Variants in DDX42 observed in about 807,000 individuals in gnomAD.
DDX42 encodes DEAD-box helicase 42.
In DDX42, 22 loss-of-function variants were observed where a neutral mutation model predicts 101.5. The observed-to-expected ratio is 0.22, with a 90% CI of 0.15 to 0.31. The LOEUF (loss-of-function observed/expected upper bound fraction) is 0.31, where lower values mean the gene tolerates loss of function less well. Ranked by LOEUF, DDX42 falls within the 10% of genes least tolerant of loss-of-function variation. The pLI is 1.00. For synonymous variants in DDX42, 402 were observed against 401.2 expected, an observed-to-expected ratio of 1.00 and a Z score of -0.02; for missense variants, 849 against 1,199.9, an observed-to-expected ratio of 0.71 and a Z score of 4.32.
At chr17:63,777,450 C>CTT (rs1336711645) in intron 1 of DDX42, among the ~76,000 whole-genome samples, 29 of 139,256 alleles carry the variant, frequency 2.1e-4, no homozygotes, top group African/African-American at 5.5e-4. Context: ...CTTTTTCTTT[C>CTT]TTTTTTTTTT....
Position 63,811,182 on chromosome 17 carries a change from A to G in DDX42, c.1398+9A>G. On this transcript the variant is annotated intron_variant, in intron 13 of 17. Transcript: ENST00000389924. ...AGGGAGATATTGGAGAGGTAACCCT[A>G]AGCAGGGCTGGATGGGACCTTAATG... 1 of 1,608,076 alleles carries G rather than the reference A, an allele frequency of 6.2e-7. No individual in the cohort carries two copies. Among genetic ancestry groups the G allele is most frequent in the Non-Finnish European group, 8.5e-7 (1 of 1,175,552 alleles).
chr17:63,782,231 T>C (rs1372779775), intron 1 of DDX42, among the ~76,000 whole-genome samples: 1 of 152,036 alleles, frequency 6.6e-6, no homozygotes, highest in East Asian at 1.9e-4. Flanking sequence ...TGAGCCAAGA[T>C]CATGCCATTG....
intron 2 of DDX42, among the ~76,000 whole-genome samples, chr17:63,790,666 A>G (rs1487858107): frequency 2.6e-5 from 4 of 152,186 alleles, no homozygotes; most frequent in Non-Finnish European, 5.9e-5. Context: ...AGGCTGAGGC[A>G]GGAGAATCAC....
chr17:63,776,555 C>G (rs1475314693), intron 1 of DDX42, among the ~76,000 whole-genome samples: 2 of 151,964 alleles, frequency 1.3e-5, no homozygotes, highest in Non-Finnish European at 2.9e-5. Context: ...ACGATGGTAG[C>G]TGACATATTG....
At chr17:63,791,991 G>T (rs1598328819) in intron 2 of DDX42, among the ~76,000 whole-genome samples, 1 of 151,108 alleles carries the variant, frequency 6.6e-6, no homozygotes, top group Non-Finnish European at 1.5e-5. Context: ...GGGTTGCAGG[G>T]AGCCCAGATT....
chr17:63,798,535 CG>C (rs765494920), intron 4 of DDX42, among the ~76,000 whole-genome samples: 4 of 151,974 alleles, frequency 2.6e-5, no homozygotes, highest in African/African-American at 4.8e-5. Flanking sequence ...GTTTGAACTG[CG>C]TGAGTCCACT....
At chr17:63,817,498 T>A (rs1413309444) in intron 17 of DDX42, 196 bp from the exon 18 acceptor site, 1 of 563,490 alleles carries the variant, frequency 1.8e-6, no homozygotes, top group African/African-American at 1.9e-5. Context: ...TGGGGGTCCA[T>A]CTCTCCACAG....
chr17:63,796,046 A>G (rs527996683), intron 3 of DDX42, among the ~76,000 whole-genome samples: 2 of 152,214 alleles, frequency 1.3e-5, no homozygotes, highest in Non-Finnish European at 2.9e-5. Flanking sequence ...CCCTAGGAGT[A>G]AAGGCAATAA....
chr17:63,810,526 A>T lies in DDX42; in HGVS notation c.1266A>T (p.Arg422=), dbSNP rs2039897349. 6.2e-7 allele frequency: 1 copy of T among 1,613,948 alleles called. No individual in the cohort carries two copies. Among genetic ancestry groups the T allele is most frequent in the Non-Finnish European group, 8.5e-7 (1 of 1,180,016 alleles). Residue 422 remains arginine (R), a synonymous_variant, in exon 12 of 18, where the codon CGA becomes CGT. Coordinates refer to ENST00000389924, the MANE Select transcript of DDX42 (RefSeq NM_203499.3). The part of the protein sequence containing the change: ...MFDMGFEYQV[R]SIASHVRPDR... ...TGTTTCTTGCAGAGTACCAAGTTCG[A>T]TCCATAGCAAGTCATGTTCGTCCTG... is the stretch of plus-strand genomic sequence containing the variant.
chr17:63,807,949 G>A, intron 9 of DDX42, 49 bp downstream of exon 9: 1 of 1,544,126 alleles, frequency 6.5e-7, no homozygotes, highest in Non-Finnish European at 8.7e-7. Context: ...ACTAGCAAGG[G>A]ACCAGCCAGT....
At position 63,818,045 on chromosome 17, in the gene DDX42, G is replaced by A. The variant is rs2039999355; in HGVS notation, c.2464G>A (p.Gly822Arg). The change falls in exon 18 of 18, where the codon GGA becomes AGA. Residue 822 changes from glycine to arginine, a missense_variant. Physicochemically the swap from Gly to Arg is moderately radical, Grantham distance 125. Coordinates refer to ENST00000389924, the MANE Select transcript of DDX42 (RefSeq NM_203499.3). ...ENRGSSRHSH[G>R]ETGNRHSDSP... ...CCGGGGCAGCAGCCGTCACAGTCAC[G>A]GAGAGACTGGCAATCGGCATAGCGA... 1.9e-6 allele frequency: 3 copies of A among 1,614,048 alleles called. No homozygotes were observed. The highest frequency in any genetic ancestry group is 2.2e-5 in the East Asian group (1 of 44,880).
chr17:63,788,491 A>G (rs1010450955), intron 2 of DDX42, among the ~76,000 whole-genome samples: 37 of 151,128 alleles, frequency 2.4e-4, no homozygotes, highest in Non-Finnish European at 4.6e-4. Flanking sequence ...TATTTTTAGT[A>G]CAGACGGGGT....
chr17:63,808,927 A>C lies in DDX42; in HGVS notation c.1131A>C (p.Ala377=). 5.6e-6 allele frequency: 9 copies of C among 1,613,902 alleles called. No homozygotes were observed. Among genetic ancestry groups the C allele is most frequent in the Non-Finnish European group, 7.6e-6 (9 of 1,179,800 alleles). ...WEQAKALQEG[A]EIVVCTPGRL... ...AGGCCAAGGCCCTTCAGGAGGGGGC[A>C]GAGATTGTTGTGTGTACCCCAGTAA... is the stretch of plus-strand genomic sequence containing the variant. Residue 377 remains alanine (A), a synonymous_variant, in exon 10 of 18, where the codon GCA becomes GCC. Transcript: ENST00000389924.
Position 63,817,325 on chromosome 17 carries a change from G to A in DDX42, c.2112+359G>A, listed in dbSNP as rs551226726. ...ACTGATAGTCACACTAAGGTGAATC[G>A]ATAGAATGAGTTCAAGGCAGGTTTT... On this transcript the variant is annotated intron_variant, in intron 17 of 17. Transcript: ENST00000389924. 90 of 325,138 alleles carry A rather than the reference G, an allele frequency of 2.8e-4. No individual in the cohort carries two copies. The Middle Eastern group carries it at 9.3e-3, about 34-fold the overall frequency. The allele number at this position is 325,138 out of a possible 1,614,324, so 20.1% of individuals were successfully genotyped here.
chr17:63,796,903 G>A (rs1165926850), intron 3 of DDX42, among the ~76,000 whole-genome samples: 2 of 152,086 alleles, frequency 1.3e-5, no homozygotes, highest in South Asian at 2.1e-4. Flanking sequence ...TAGAACACCC[G>A]ATCATGCCAC....
At chr17:63,795,527 A>C (rs113967270) in intron 3 of DDX42, among the ~76,000 whole-genome samples, 2 of 152,188 alleles carry the variant, frequency 1.3e-5, no homozygotes, top group East Asian at 3.9e-4. Context: ...AATTTTTAGA[A>C]AATATTTTTT....
intron 3 of DDX42, among the ~76,000 whole-genome samples, 186 bp from the exon 4 acceptor site, chr17:63,797,852 C>T (rs534441726): frequency 5.3e-5 from 8 of 152,314 alleles, no homozygotes; most frequent in African/African-American, 1.9e-4. Context: ...AGTCCATATA[C>T]AGCCAATTTA....
intron 9 of DDX42, among the ~76,000 whole-genome samples, chr17:63,808,443 G>C (rs1280871885): frequency 6.6e-6 from 1 of 152,090 alleles, no homozygotes; most frequent in East Asian, 1.9e-4. Context: ...CACAGTGCTG[G>C]GATTACAGGT....
At chr17:63,792,683 T>G (rs533484912) in intron 3 of DDX42, 121 bp downstream of exon 3, 1 of 1,141,670 alleles carries the variant, frequency 8.8e-7, no homozygotes, top group African/African-American at 1.6e-5. Flanking sequence ...TTTTTGAGAA[T>G]TTTGCTCCAG....
Sources: gnomAD v4.1 joint callset for allele counts (sites outside exome capture counted in the v4.1 genomes callset) on GRCh38, gnomAD v4.1.1 for gene constraint, MANE v1.5 for transcripts, NCBI Gene and HGNC (gene_info 2026-07-23, HGNC 2026-07-21) for gene names.